Variants in RALGPS1 observed in about 807,000 individuals in gnomAD.
The protein encoded by RALGPS1 is Ral GEF with PH domain and SH3 binding motif 1.
Under a neutral mutation model 78.8 loss-of-function variants are expected in RALGPS1, and 19 were observed. That is an observed-to-expected ratio of 0.24 (90% CI 0.17 to 0.35). The LOEUF (loss-of-function observed/expected upper bound fraction) is 0.35, where lower values mean the gene tolerates loss of function less well. Among genes scored for constraint, RALGPS1 ranks in the 10% least tolerant of loss-of-function variants. The pLI is 1.00. For synonymous variants in RALGPS1, 228 were observed against 256.3 expected (o/e 0.89, Z 1.06); for missense variants, 454 against 688.3 (o/e 0.66, Z 3.81).
At chr9:127,070,455 T>C (rs186375755) in intron 8 of RALGPS1, among the ~76,000 whole-genome samples, 2 of 152,336 alleles carry the variant, frequency 1.3e-5, no homozygotes, top group African/African-American at 4.8e-5. Flanking sequence ...TCAAAACGTA[T>C]GCAAAAACGT....
intron 8 of RALGPS1, among the ~76,000 whole-genome samples, chr9:127,157,547 CATATAAGTCT>C (rs960078423): frequency 1.3e-5 from 2 of 151,936 alleles, no homozygotes; most frequent in African/African-American, 2.4e-5. Context: ...ATGTTTTATT[CATATAAGTCT>C]TACACATTTC....
intron 4 of RALGPS1, among the ~76,000 whole-genome samples, chr9:126,991,958 T>C (rs2042321141): frequency 6.6e-6 from 1 of 152,218 alleles, no homozygotes; most frequent in Non-Finnish European, 1.5e-5. Context: ...GGACCTCATC[T>C]GTCATTGCTA....
At chr9:127,060,647 T>C (rs183012035) in intron 7 of RALGPS1, among the ~76,000 whole-genome samples, 1 of 152,140 alleles carries the variant, frequency 6.6e-6, no homozygotes, top group Admixed American at 6.5e-5. Context: ...GTCATCCTCT[T>C]TCAGCTGGTC....
intron 8 of RALGPS1, among the ~76,000 whole-genome samples, chr9:127,162,529 CT>C (rs2059079462): frequency 6.6e-6 from 1 of 152,146 alleles, no homozygotes; most frequent in African/African-American, 2.4e-5. Flanking sequence ...TAGGGAAGTT[CT>C]TTCTAGGCAT....
rs572727260 is a variant in RALGPS1, at chr9:127,091,284, G to T, written c.610+21928G>T. Among the ~76,000 whole-genome samples the T allele has an allele frequency of 3.3e-5, 5 of 152,356 alleles. No homozygotes were observed. Among genetic ancestry groups the T allele is most frequent in the African/African-American group, 9.6e-5 (4 of 41,588 alleles). ...GGTAGGAGGTGGGGCCAGCACTGGAGCCCAGGTGTGTGGCCCAGAGCCTAC... is the reference window on the plus strand; with the variant it reads ...GGTAGGAGGTGGGGCCAGCACTGGATCCCAGGTGTGTGGCCCAGAGCCTAC... On this transcript the variant is annotated intron_variant, in intron 8 of 18. Transcript: ENST00000259351. This position sits in a 1 kb window ranked among gnomAD's most constrained non-coding sequence, Gnocchi z 4.3.
At position 127,218,653 on chromosome 9, in the gene RALGPS1, A is replaced by G; in HGVS notation, c.1645-87A>G. The G allele has an allele frequency of 3.3e-5, 45 of 1,367,212 alleles. No individual in the cohort carries two copies. Among genetic ancestry groups the G allele is most frequent in the Non-Finnish European group, 4.5e-5 (43 of 955,236 alleles). The allele number at this position is 1,367,212 out of a possible 1,614,324, so 84.7% of individuals were successfully genotyped here. On this transcript the variant is annotated intron_variant, in intron 18 of 18. Transcript: ENST00000259351. This position sits in a 1 kb window ranked among gnomAD's most constrained non-coding sequence, Gnocchi z 4.4. The stretch of plus-strand genomic sequence containing the variant: ...CTGCTCATTCCCAGACTCACGGGGA[A>G]AGGCCTGTCCCTTCCCCTAGGGACC...
intron 11 of RALGPS1, among the ~76,000 whole-genome samples, chr9:127,187,022 C>A (rs1447969177): frequency 6.6e-6 from 1 of 152,090 alleles, no homozygotes; most frequent in Non-Finnish European, 1.5e-5. Flanking sequence ...CAGGAAGGGC[C>A]GAAGAAGTTA....
At position 126,977,794 on chromosome 9, in the gene RALGPS1, C is replaced by T. The variant is rs377558780; in HGVS notation, c.216+49C>T. Reference sequence around the variant, plus strand: ...TTCTATTCATGCTGTGGGTGGGCAGCGAGGATTTAGCCAGCCACTGTTAGA... The same window carrying T: ...TTCTATTCATGCTGTGGGTGGGCAGTGAGGATTTAGCCAGCCACTGTTAGA... On this transcript the variant is annotated intron_variant, in intron 4 of 18. Transcript: ENST00000259351. The T allele has an allele frequency of 2.8e-5, 39 of 1,390,696 alleles. No homozygotes were observed. In the African/African-American group the frequency reaches 4.8e-4, roughly 17 times the overall value. The allele number at this position is 1,390,696 out of a possible 1,614,324, so 86.1% of individuals were successfully genotyped here. A position where few individuals can be genotyped will look rare whatever the true frequency, so the allele number is the denominator to read the frequency against.
intron 11 of RALGPS1, among the ~76,000 whole-genome samples, chr9:127,176,672 C>T (rs1306851397): frequency 6.6e-6 from 1 of 152,214 alleles, no homozygotes; most frequent in Non-Finnish European, 1.5e-5. Flanking sequence ...TCTTTAAATG[C>T]CAAGAAGTCT....
At chr9:127,197,304 G>A (rs747686506) in intron 13 of RALGPS1, among the ~76,000 whole-genome samples, 1 of 152,136 alleles carries the variant, frequency 6.6e-6, no homozygotes, top group African/African-American at 2.4e-5. Context: ...GGTGGGCACC[G>A]CCCTGTTATT....
intron 4 of RALGPS1, among the ~76,000 whole-genome samples, chr9:126,980,152 T>C (rs1313063796): frequency 6.6e-6 from 1 of 152,228 alleles, no homozygotes; most frequent in Admixed American, 6.5e-5. Context: ...TTTTTGCTGA[T>C]GTTATTATCA....
At chr9:127,180,758 A>T (rs985768319) in intron 11 of RALGPS1, among the ~76,000 whole-genome samples, 1 of 152,238 alleles carries the variant, frequency 6.6e-6, no homozygotes, top group Non-Finnish European at 1.5e-5. Context: ...ACCTAAGGGC[A>T]TGAAACAACC....
chr9:127,123,687 TAGAATC>T (rs2056369874), intron 8 of RALGPS1, among the ~76,000 whole-genome samples: 2 of 152,236 alleles, frequency 1.3e-5, no homozygotes, highest in African/African-American at 4.8e-5. Flanking sequence ...TGAATGTTGA[TAGAATC>T]AGAGTAAGAA....
At chr9:127,194,244 A>T (rs2061234350) in intron 11 of RALGPS1, among the ~76,000 whole-genome samples, 1 of 152,234 alleles carries the variant, frequency 6.6e-6, no homozygotes, top group Admixed American at 6.5e-5. Context: ...CTGCAGCTCA[A>T]GGGATATGTT....
At chr9:127,168,335 C>G (rs1405417369) in intron 9 of RALGPS1, among the ~76,000 whole-genome samples, 2 of 152,198 alleles carry the variant, frequency 1.3e-5, no homozygotes, top group African/African-American at 4.8e-5. Flanking sequence ...ACACCTGGCT[C>G]TGGTCTGTTT....
intron 1 of RALGPS1, among the ~76,000 whole-genome samples, chr9:126,936,828 T>A (rs915875114): frequency 6.7e-6 from 1 of 149,998 alleles, no homozygotes; most frequent in African/African-American, 2.5e-5. Flanking sequence ...AAGGAAGGAG[T>A]GCAGGGAACA....
At chr9:127,137,918 A>G (rs1393472862) in intron 8 of RALGPS1, among the ~76,000 whole-genome samples, 1 of 152,314 alleles carries the variant, frequency 6.6e-6, no homozygotes, top group East Asian at 1.9e-4. Flanking sequence ...AATGGGGTCC[A>G]GGGAGATAAT....
At chr9:126,930,969 A>G (rs868542275) in intron 1 of RALGPS1, among the ~76,000 whole-genome samples, 1 of 152,346 alleles carries the variant, frequency 6.6e-6, no homozygotes. Context: ...AGTGAGAGAA[A>G]ATGCAAAATA....
intron 8 of RALGPS1, among the ~76,000 whole-genome samples, chr9:127,135,063 T>G (rs750735528): frequency 4.5e-4 from 68 of 152,270 alleles, no homozygotes; most frequent in Non-Finnish European, 8.1e-4. Flanking sequence ...CTGGGACACT[T>G]GAATGTGATG....
Sources: allele counts gnomAD v4.1 joint callset (sites outside exome capture counted in the v4.1 genomes callset), GRCh38; gene constraint gnomAD v4.1.1; non-coding constraint Gnocchi (gnomAD v3.1); transcripts MANE v1.5; gene names NCBI Gene and HGNC (gene_info 2026-07-23, HGNC 2026-07-21).